The following PACSIN2 variants were observed in gnomAD, a reference collection of about 807,000 sequenced individuals.
The protein encoded by PACSIN2 is protein kinase C and casein kinase substrate in neurons protein 2.
PACSIN2 carries 25 observed loss-of-function variants against 63.8 expected under a neutral mutation model. That is an observed-to-expected ratio of 0.39 (90% CI 0.29 to 0.55). The LOEUF (loss-of-function observed/expected upper bound fraction) is 0.55, where lower values mean the gene tolerates loss of function less well. PACSIN2 is among the 20% of genes least tolerant of loss of function. PACSIN2 has a pLI of 0.62. For missense variants in PACSIN2, 518 were observed against 646.9 expected (o/e 0.80, Z 2.16); for synonymous variants, 255 against 256.2 (o/e 1.00, Z 0.05).
At chr22:42,894,731 A>G (rs906803178) in intron 2 of PACSIN2, among the ~76,000 whole-genome samples, 1 of 152,218 alleles carries the variant, frequency 6.6e-6, no homozygotes, top group African/African-American at 2.4e-5. Context: ...AATGTTCGAT[A>G]TGTTTCATTC....
chr22:42,972,065 G>A (rs569241411), intron 1 of PACSIN2, among the ~76,000 whole-genome samples: 122 of 152,332 alleles, frequency 8.0e-4, no homozygotes, highest in African/African-American at 2.0e-3. Context: ...TGTCCAATGG[G>A]GGGGGGAAAT....
chr22:43,008,439 T>A lies in PACSIN2; in HGVS notation c.-78+6582A>T, dbSNP rs144826918. Among the ~76,000 whole-genome samples, 646 of 152,238 alleles carry A rather than the reference T, an allele frequency of 4.2e-3. 3 individuals carry two copies. The highest frequency in any genetic ancestry group is 0.015 in the African/African-American group (610 of 41,552). The stretch of plus-strand genomic sequence containing the variant: ...CTAGTTTTTATATTTTTAGTAGAGA[T>A]GGGGTTTCACCATATTGGCCAGGCT... On this transcript the variant is annotated intron_variant, in intron 1 of 10. Coordinates refer to ENST00000263246, the MANE Select transcript of PACSIN2 (RefSeq NM_001184970.3).
At chr22:42,972,173 C>T (rs1229657852) in intron 1 of PACSIN2, among the ~76,000 whole-genome samples, 2 of 152,246 alleles carry the variant, frequency 1.3e-5, no homozygotes, top group African/African-American at 4.8e-5. Flanking sequence ...AAAGATTCTT[C>T]TGCCTTGGGA....
intron 1 of PACSIN2, among the ~76,000 whole-genome samples, chr22:42,992,890 G>A (rs1923136731): frequency 6.6e-6 from 1 of 152,238 alleles, no homozygotes; most frequent in East Asian, 1.9e-4. Flanking sequence ...CTGGCCGGAA[G>A]TGGTGGCTCA....
intron 2 of PACSIN2, among the ~76,000 whole-genome samples, chr22:42,895,772 G>A (rs534826692): frequency 6.6e-6 from 1 of 152,360 alleles, no homozygotes; most frequent in South Asian, 2.1e-4. Flanking sequence ...GGGACAAGAG[G>A]CAAGTTGGCT....
At chr22:42,872,668 G>C (rs1295268253) in intron 10 of PACSIN2, among the ~76,000 whole-genome samples, 1 of 152,244 alleles carries the variant, frequency 6.6e-6, no homozygotes, top group African/African-American at 2.4e-5. Flanking sequence ...TGGACCAACT[G>C]CGTCCACTCC....
chr22:42,969,041 A>ACC (rs1921042767), intron 1 of PACSIN2, among the ~76,000 whole-genome samples: 1 of 72,470 alleles, frequency 1.4e-5, no homozygotes, highest in Non-Finnish European at 2.5e-5. Context: ...TTATCTATCT[A>ACC]TCTCCATCCA....
intron 1 of PACSIN2, among the ~76,000 whole-genome samples, chr22:42,984,945 C>T (rs1922501589): frequency 6.6e-6 from 1 of 152,152 alleles, no homozygotes; most frequent in Admixed American, 6.5e-5. Context: ...CTAAACTAAA[C>T]CCTAGAGATG....
intron 1 of PACSIN2, among the ~76,000 whole-genome samples, chr22:42,936,491 T>G (rs1231319778): frequency 6.6e-6 from 1 of 152,126 alleles, no homozygotes; most frequent in East Asian, 1.9e-4. Context: ...ACTCAAACAT[T>G]CTAAGGGGAC....
intron 2 of PACSIN2, among the ~76,000 whole-genome samples, chr22:42,900,480 A>T (rs1930607668): frequency 6.6e-6 from 1 of 152,144 alleles, no homozygotes; most frequent in Non-Finnish European, 1.5e-5. Context: ...AAATTAAATT[A>T]AATTTTATTA....
At chr22:42,961,737 C>T (rs1237719313) in intron 1 of PACSIN2, among the ~76,000 whole-genome samples, 1 of 152,118 alleles carries the variant, frequency 6.6e-6, no homozygotes, top group Non-Finnish European at 1.5e-5. Flanking sequence ...CACGTCACTG[C>T]ACTCTAGCCT....
At chr22:42,913,467 G>A (rs561178505) in intron 1 of PACSIN2, among the ~76,000 whole-genome samples, 159 of 107,914 alleles carry the variant, frequency 1.5e-3, no homozygotes, top group Non-Finnish European at 2.4e-3. Context: ...CAACAAGAGC[G>A]AAACTCCGTC....
intron 4 of PACSIN2, among the ~76,000 whole-genome samples, chr22:42,889,373 T>TTTACACACACACACACACAC (rs1555909669): frequency 8.2e-5 from 10 of 122,424 alleles, no homozygotes; most frequent in Admixed American, 6.8e-4. Context: ...TAATGGTTTT[T>TTTACACACACACACACACAC]ACACACACAC....
intron 3 of PACSIN2, among the ~76,000 whole-genome samples, chr22:42,892,856 G>A (rs1014058018): frequency 1.3e-5 from 2 of 152,214 alleles, no homozygotes; most frequent in Non-Finnish European, 2.9e-5. Flanking sequence ...CTTCTGTGCC[G>A]GAAAGGCTGT....
intron 2 of PACSIN2, among the ~76,000 whole-genome samples, chr22:42,896,435 T>TGTAG (rs1930292521): frequency 1.0e-5 from 1 of 97,598 alleles, no homozygotes; most frequent in African/African-American, 3.5e-5. Context: ...TATTCGACTG[T>TGTAG]GTAGGTATAC....
chr22:42,883,691 T>C (rs1356229735), intron 6 of PACSIN2, among the ~76,000 whole-genome samples: 14 of 152,222 alleles, frequency 9.2e-5, no homozygotes, highest in Admixed American at 3.9e-4. Context: ...AATGCCAGAT[T>C]CACCTCCAGT....
intron 1 of PACSIN2, among the ~76,000 whole-genome samples, chr22:42,975,644 G>C (rs1394101473): frequency 7.9e-6 from 1 of 127,108 alleles, no homozygotes; most frequent in Non-Finnish European, 1.7e-5. Context: ...CCAGAGCCTT[G>C]TCAATATTCT....
At chr22:42,983,947 G>A (rs1922425845) in intron 1 of PACSIN2, among the ~76,000 whole-genome samples, 1 of 150,298 alleles carries the variant, frequency 6.7e-6, no homozygotes, top group Non-Finnish European at 1.5e-5. Flanking sequence ...CACAGGCTAT[G>A]GGCACAGCAC....
intron 1 of PACSIN2, among the ~76,000 whole-genome samples, chr22:42,915,209 G>A (rs1315909272): frequency 6.6e-6 from 1 of 152,162 alleles, no homozygotes; most frequent in East Asian, 1.9e-4. Context: ...CCAAGGAGAG[G>A]CTCAGCACAG....
Sources: allele counts gnomAD v4.1 joint callset (sites outside exome capture counted in the v4.1 genomes callset), GRCh38; gene constraint gnomAD v4.1.1; transcripts MANE v1.5; gene names NCBI Gene and HGNC (gene_info 2026-07-23, HGNC 2026-07-21).